BTBD8: variants seen among roughly 807,000 people sequenced by gnomAD.
BTBD8 encodes the protein BTB/POZ domain-containing protein 8.
A neutral mutation model predicts 162.9 loss-of-function variants in BTBD8; 110 were observed. The ratio of observed to expected loss-of-function variants is 0.68; its 90% CI spans 0.58 to 0.79. The LOEUF (loss-of-function observed/expected upper bound fraction) is 0.79, where lower values mean the gene tolerates loss of function less well. Among genes scored for constraint, BTBD8 ranks in the 30% least tolerant of loss-of-function variants. The probability of loss-of-function intolerance (pLI) is 0.00; values close to 1 mark genes in which losing one functional copy is unlikely to be tolerated. For synonymous variants in BTBD8, 667 were observed against 716.1 expected, an observed-to-expected ratio of 0.93 and a Z score of 1.10; for missense variants, 1,905 against 2,085.4, an observed-to-expected ratio of 0.91 and a Z score of 1.68.
intron 11 of BTBD8, 102 bp downstream of exon 11, chr1:92,168,087 G>T: frequency 2.0e-6 from 2 of 992,296 alleles, no homozygotes; most frequent in Non-Finnish European, 2.8e-6. Context: ...AAGCTAGGCA[G>T]TGGATACCTA....
chr1:92,129,579 A>G, intron 4 of BTBD8, 108 bp from the exon 5 acceptor site: 1 of 853,824 alleles, frequency 1.2e-6, no homozygotes, highest in Non-Finnish European at 1.9e-6. Flanking sequence ...CAAACAAAAC[A>G]AATAGATTAT....
In BTBD8 at chr1:92,182,445, C is replaced by T; in HGVS notation, c.4762C>T (p.Leu1588Phe). 6.4e-7 allele frequency: 1 copy of T among 1,551,530 alleles called. No homozygotes were observed. Among genetic ancestry groups the T allele is most frequent in the South Asian group, 1.2e-5 (1 of 83,942 alleles). ...KSQERPCHLD[L>F]HQREPNSDIP... is the part of the protein sequence containing the mutation. ...TCAAGAAAGACCATGTCACTTGGAT[C>T]TTCATCAAAGAGAACCCAATTCTGA... Residue 1588 changes from leucine (L) to phenylalanine (F), a missense_variant, in exon 17 of 18, where the codon CTT becomes TTT. Coordinates refer to ENST00000636805, the MANE Select transcript of BTBD8 (RefSeq NM_001376131.1).
Position 92,142,221 on chromosome 1 carries a change from A to G in BTBD8, c.930+1010A>G, listed in dbSNP as rs560532532. ...CAGCTGGTGGTGTCCTCAGCTTTGT[A>G]GAAAGTGAGGAATTCTGGTCAAAGG... On this transcript the variant is annotated intron_variant, in intron 7 of 17. Transcript: ENST00000636805. 4.6e-4 allele frequency among the ~76,000 whole-genome samples: 70 copies of G among 152,342 alleles called. No individual in the cohort carries two copies. The South Asian group carries it at 7.9e-3, about 17-fold the overall frequency.
At chr1:92,113,793 A>G (rs370329570) in intron 4 of BTBD8, among the ~76,000 whole-genome samples, 84 of 152,046 alleles carry the variant, frequency 5.5e-4, no homozygotes, top group African/African-American at 1.7e-3. Context: ...CGGGCGGATC[A>G]TGAGGTCAGG....
At chr1:92,161,393 A>G (rs1322480144) in intron 9 of BTBD8, among the ~76,000 whole-genome samples, 2 of 152,234 alleles carry the variant, frequency 1.3e-5, no homozygotes, top group African/African-American at 4.8e-5. Flanking sequence ...AGAGTATAAC[A>G]TGGAGAATTT....
At chr1:92,173,701 T>C (rs933669380) in intron 13 of BTBD8, among the ~76,000 whole-genome samples, 1 of 152,214 alleles carries the variant, frequency 6.6e-6, no homozygotes, top group South Asian at 2.1e-4. Flanking sequence ...AGTTCAAATT[T>C]TGGCTTTGCA....
chr1:92,088,656 A>G (rs779405881), intron 1 of BTBD8, 42 bp from the exon 2 acceptor site: 1 of 1,423,768 alleles, frequency 7.0e-7, no homozygotes. Flanking sequence ...TACGTTTTTT[A>G]GTATCACTAA....
intron 9 of BTBD8, among the ~76,000 whole-genome samples, chr1:92,151,595 T>C (rs375245832): frequency 1.3e-5 from 2 of 152,282 alleles, no homozygotes; most frequent in South Asian, 4.1e-4. Flanking sequence ...TTTGGTTACA[T>C]GGGTGAGTTC....
chr1:92,147,928 A>G (rs1649963978), intron 9 of BTBD8, 142 bp downstream of exon 9: 2 of 693,310 alleles, frequency 2.9e-6, no homozygotes, highest in Non-Finnish European at 4.7e-6. Flanking sequence ...ACCTAATCCT[A>G]AGATTCAGTT....
At position 92,180,388 on chromosome 1, in the gene BTBD8, T is replaced by C; in HGVS notation, c.2705T>C (p.Val902Ala). The stretch of plus-strand genomic sequence containing the variant: ...AAACAAGCACCTAAGAGAAAAATGG[T>C]CAAGCAAGTACACACAGCTTTGCCT... ...TEKQAPKRKMVKQVHTALPKV... is the reference protein window; with the variant it reads ...TEKQAPKRKMAKQVHTALPKV... Residue 902 changes from valine (V) to alanine (A), a missense_variant, in exon 17 of 18, where the codon GTC becomes GCC. Coordinates refer to ENST00000636805, the MANE Select transcript of BTBD8 (RefSeq NM_001376131.1). 1 of 1,551,536 alleles carries C rather than the reference T, an allele frequency of 6.4e-7. No individual in the cohort carries two copies. The highest frequency in any genetic ancestry group is 8.7e-7 in the Non-Finnish European group (1 of 1,146,922).
intron 12 of BTBD8, among the ~76,000 whole-genome samples, chr1:92,170,049 G>C (rs927282560): frequency 6.6e-6 from 1 of 152,100 alleles, no homozygotes; most frequent in Admixed American, 6.5e-5. Flanking sequence ...CATTCCTTCA[G>C]TAGGTGTCTT....
chr1:92,166,510 C>T (rs1455109782), intron 9 of BTBD8, among the ~76,000 whole-genome samples: 6 of 150,512 alleles, frequency 4.0e-5, no homozygotes, highest in Middle Eastern at 3.4e-3. Flanking sequence ...CTGCAACCTC[C>T]GCCTCCTGAG....
At chr1:92,130,539 T>TACACACACAC (rs59796834) in intron 5 of BTBD8, among the ~76,000 whole-genome samples, 2,784 of 131,130 alleles carry the variant, frequency 0.021, 92 homozygotes, top group African/African-American at 0.071. Context: ...TATATATATT[T>TACACACACAC]ACACACACAC....
At chr1:92,182,837 T>A (rs1441152256) in intron 17 of BTBD8, among the ~76,000 whole-genome samples, 2 of 152,050 alleles carry the variant, frequency 1.3e-5, no homozygotes, top group Non-Finnish European at 1.5e-5. Context: ...GCTAACCTAC[T>A]AAGAGATTTT....
At chr1:92,147,435 A>G (rs1387139603) in intron 8 of BTBD8, among the ~76,000 whole-genome samples, 167 bp downstream of exon 8, 2 of 152,198 alleles carry the variant, frequency 1.3e-5, no homozygotes, top group Non-Finnish European at 2.9e-5. Flanking sequence ...TAATTTAGAT[A>G]TTACTCAAGT....
intron 2 of BTBD8, among the ~76,000 whole-genome samples, chr1:92,097,563 C>G (rs6684317): frequency 0.61 from 93,427 of 151,992 alleles, 29,354 homozygotes; most frequent in East Asian, 0.97. Context: ...CAGCCAGCCC[C>G]TGGTGAACAA....
intron 3 of BTBD8, 73 bp from the exon 4 acceptor site, chr1:92,107,808 TTGA>T: frequency 1.7e-6 from 2 of 1,194,088 alleles, no homozygotes; most frequent in Non-Finnish European, 2.3e-6. Flanking sequence ...GGGAAACCTC[TTGA>T]TAATAATAGA....
chr1:92,153,480 A>T (rs561665457), intron 9 of BTBD8, among the ~76,000 whole-genome samples: 4 of 152,268 alleles, frequency 2.6e-5, no homozygotes, highest in African/African-American at 9.6e-5. Flanking sequence ...CTGATCTCTC[A>T]TCTTTCGTAA....
chr1:92,169,131 T>C, intron 12 of BTBD8, 136 bp downstream of exon 12: 2 of 819,420 alleles, frequency 2.4e-6, no homozygotes, highest in South Asian at 2.9e-5. Context: ...AAACTGGTGC[T>C]CATATGTTTA....
Sources: gnomAD v4.1 joint callset for allele counts (sites outside exome capture counted in the v4.1 genomes callset) on GRCh38, gnomAD v4.1.1 for gene constraint, MANE v1.5 for transcripts, NCBI Gene and HGNC (gene_info 2026-07-23, HGNC 2026-07-21) for gene names.